Variants in CUX1 observed in about 807,000 individuals in gnomAD.
The protein encoded by CUX1 is cut like homeobox 1.
A neutral mutation model predicts 158.8 loss-of-function variants in CUX1; 31 were observed. That is an observed-to-expected ratio of 0.20 (90% CI 0.15 to 0.26). The LOEUF (loss-of-function observed/expected upper bound fraction) is 0.26, where lower values mean the gene tolerates loss of function less well. Ranked by LOEUF, CUX1 falls within the 10% of genes least tolerant of loss-of-function variation. The probability of loss-of-function intolerance (pLI) is 1.00; values close to 1 mark genes in which losing one functional copy is unlikely to be tolerated. For synonymous variants in CUX1, 879 were observed against 862.1 expected, an observed-to-expected ratio of 1.02 and a Z score of -0.34; for missense variants, 1,589 against 2,014.6, an observed-to-expected ratio of 0.79 and a Z score of 4.04.
rs183142785 is a variant in CUX1 at position 102,207,482 on chromosome 7, G to T, written c.3130+2312G>T. Among the ~76,000 whole-genome samples the T allele has an allele frequency of 7.3e-5, 11 of 151,502 alleles. No homozygotes were observed. The South Asian group carries it at 2.1e-3, about 29-fold the overall frequency. On this transcript the variant is annotated intron_variant, in intron 20 of 23. Transcript: ENST00000292535. ...TTTTTTTTTTTTGAGACAGAGTCTCGCTGTGTCACCCAGGCTGGAGTGCAG... is the reference window on the plus strand; with the variant it reads ...TTTTTTTTTTTTGAGACAGAGTCTCTCTGTGTCACCCAGGCTGGAGTGCAG...
chr7:102,239,467 A>G lies in CUX1; in HGVS notation c.3770A>G (p.Glu1257Gly). The stretch of plus-strand genomic sequence containing the variant: ...GTGGTGCTGGCTCCGGAGGAGAAGG[A>G]GGCGCTGAAACGAGCGTATCAGCAA... ...PRVVLAPEEK[E>G]ALKRAYQQKP... The change falls in exon 23 of 24, where the codon GAG (glutamate) becomes GGG (glycine). Residue 1257 changes from glutamate (E) to glycine (G), a missense_variant. Around this residue, in one of 8 missense-constraint regions of CUX1, gnomAD observed 259 missense variants for 373.8 expected, o/e 0.69. Coordinates refer to ENST00000292535, the MANE Select transcript of CUX1 (RefSeq NM_181552.4). The G allele has an allele frequency of 6.2e-7, 1 of 1,614,120 alleles. No individual in the cohort carries two copies. Among genetic ancestry groups the G allele is most frequent in the Non-Finnish European group, 8.5e-7 (1 of 1,179,968 alleles).
chr7:101,824,141 G>A (rs1303168343), intron 1 of CUX1, among the ~76,000 whole-genome samples: 1 of 152,216 alleles, frequency 6.6e-6, no homozygotes, highest in Admixed American at 6.5e-5. Flanking sequence ...AGCCTGGAGT[G>A]CAGTGGCACA....
At chr7:102,157,245 C>T (rs1554505566) in intron 8 of CUX1, among the ~76,000 whole-genome samples, 1 of 152,024 alleles carries the variant, frequency 6.6e-6, no homozygotes, top group African/African-American at 2.4e-5. Flanking sequence ...TGCATGTGGA[C>T]TCAGAGCCAC....
intron 20 of CUX1, among the ~76,000 whole-genome samples, chr7:102,221,560 G>A (rs1554526918): frequency 6.6e-6 from 1 of 151,542 alleles, no homozygotes; most frequent in Non-Finnish European, 1.5e-5. Flanking sequence ...TTTTCAATTG[G>A]CTCCCATTGA....
chr7:101,823,031 T>C lies in CUX1; in HGVS notation c.30+5362T>C, dbSNP rs867153240. Among the ~76,000 whole-genome samples, 7 of 152,284 alleles carry C rather than the reference T, an allele frequency of 4.6e-5. No individual in the cohort carries two copies. In the South Asian group the frequency reaches 1.5e-3, roughly 32 times the overall value. ...TTGTAATTAAATTCAGAGAGGATGA[T>C]GTTAGTGCACAAAATAAAGATTGTC... On this transcript the variant is annotated intron_variant, in intron 1 of 23. Transcript: ENST00000292535.
Position 102,253,617 on chromosome 7 carries a change from C to T in CUX1, c.*4575C>T, listed in dbSNP as rs557315992. 21 of 985,418 alleles carry T rather than the reference C, an allele frequency of 2.1e-5. No homozygotes were observed. The highest frequency in any genetic ancestry group is 5.2e-5 in the African/African-American group (3 of 57,354). 61.0% of individuals were successfully genotyped at this position (985,418 alleles called of 1,614,324 possible). A position where few individuals can be genotyped will look rare whatever the true frequency, so the allele number is the denominator to read the frequency against. On this transcript the variant is annotated 3_prime_UTR_variant, in exon 24 of 24. Coordinates refer to ENST00000292535, the MANE Select transcript of CUX1 (RefSeq NM_181552.4). Reference sequence around the variant, plus strand: ...AAAATAGCAGAGCCAGGGGAACAGACGCATGTCCTTCTGGGAGTCACACAA... The same window carrying T: ...AAAATAGCAGAGCCAGGGGAACAGATGCATGTCCTTCTGGGAGTCACACAA...
chr7:101,920,742 C>T (rs1804817265), intron 2 of CUX1, among the ~76,000 whole-genome samples: 1 of 152,174 alleles, frequency 6.6e-6, no homozygotes, highest in Non-Finnish European at 1.5e-5. Context: ...AAAAGAGTCC[C>T]TTTGAAAGAA....
intron 2 of CUX1, among the ~76,000 whole-genome samples, chr7:101,976,185 T>C (rs1428042821): frequency 6.6e-6 from 1 of 152,216 alleles, no homozygotes; most frequent in African/African-American, 2.4e-5. Context: ...TTACATGTTG[T>C]AGAAATTTTT....
At chr7:101,910,730 G>A (rs1407255369) in intron 1 of CUX1, among the ~76,000 whole-genome samples, 2 of 145,532 alleles carry the variant, frequency 1.4e-5, no homozygotes, top group African/African-American at 5.0e-5. Flanking sequence ...CTGGGCGACC[G>A]AGCAAGACTG....
chr7:101,859,740 T>G (rs1797234558), intron 1 of CUX1, among the ~76,000 whole-genome samples: 1 of 152,206 alleles, frequency 6.6e-6, no homozygotes, highest in Admixed American at 6.5e-5. Context: ...TTTGAAAATT[T>G]TTCCCAGCCA....
At chr7:101,991,191 A>T (rs895089599) in intron 2 of CUX1, among the ~76,000 whole-genome samples, 2 of 152,140 alleles carry the variant, frequency 1.3e-5, no homozygotes, top group Non-Finnish European at 2.9e-5. Context: ...AAAATACCGT[A>T]AAAAAGAAAA....
chr7:102,095,201 G>T (rs1360359159), intron 4 of CUX1, among the ~76,000 whole-genome samples: 1 of 151,872 alleles, frequency 6.6e-6, no homozygotes, highest in Non-Finnish European at 1.5e-5. Context: ...GTAGAGACAG[G>T]CTTTCACCAT....
Position 102,253,812 on chromosome 7 carries a change from C to T in CUX1, c.*4770C>T, listed in dbSNP as rs1801781447. 3 of 985,468 alleles carry T rather than the reference C, an allele frequency of 3.0e-6. No individual in the cohort carries two copies. Among genetic ancestry groups the T allele is most frequent in the Admixed American group, 6.2e-5 (1 of 16,254 alleles). The allele number at this position is 985,468 out of a possible 1,614,324, so 61.0% of individuals were successfully genotyped here. ...AGCAACACGGGGCATGAGCGGTGGG[C>T]GTGCTGGGCTATTTGCTGTGGTACT... On this transcript the variant is annotated 3_prime_UTR_variant, in exon 24 of 24. Transcript: ENST00000292535.
intron 23 of CUX1, among the ~76,000 whole-genome samples, chr7:102,241,063 G>A (rs910165022): frequency 4.6e-5 from 7 of 151,970 alleles, no homozygotes; most frequent in Non-Finnish European, 8.8e-5. Flanking sequence ...CAAGTGATCC[G>A]CCTGCCTCGG....
At chr7:102,112,665 G>A (rs1187682118) in intron 7 of CUX1, among the ~76,000 whole-genome samples, 1 of 151,746 alleles carries the variant, frequency 6.6e-6, no homozygotes, top group Non-Finnish European at 1.5e-5. Flanking sequence ...TACCTCTGTG[G>A]GCTCAAGCAA....
intron 2 of CUX1, among the ~76,000 whole-genome samples, chr7:102,018,875 C>T (rs1286759774): frequency 3.9e-5 from 6 of 152,138 alleles, no homozygotes; most frequent in Non-Finnish European, 8.8e-5. Context: ...ACATCGCAGG[C>T]ATCTGGAAAA....
intron 6 of CUX1, among the ~76,000 whole-genome samples, chr7:102,110,543 TA>T (rs2131061728): frequency 6.6e-6 from 1 of 152,374 alleles, no homozygotes; most frequent in African/African-American, 2.4e-5. Flanking sequence ...CATATTACCC[TA>T]TAACGTGTTA....
chr7:102,271,707 CA>C (rs1791224274), intron 14 of CUX1, among the ~76,000 whole-genome samples: 1 of 152,222 alleles, frequency 6.6e-6, no homozygotes, highest in Admixed American at 6.5e-5. Context: ...GCCAGGGACC[CA>C]GGGGCTCAGT....
chr7:101,961,459 G>A (rs1810481430), intron 2 of CUX1: 4 of 152,166 alleles, frequency 2.6e-5, no homozygotes, highest in Admixed American at 2.0e-4. Flanking sequence ...ATTCCCACAT[G>A]GAGAGTTGCA....
Sources: gnomAD v4.1 joint callset for allele counts (sites outside exome capture counted in the v4.1 genomes callset) on GRCh38, gnomAD v4.1.1 for gene constraint, gnomAD v4.1.1 regional missense constraint, MANE v1.5 for transcripts, NCBI Gene and HGNC (gene_info 2026-07-23, HGNC 2026-07-21) for gene names.